The following TNRC6B variants were observed in gnomAD, a reference collection of about 807,000 sequenced individuals.
TNRC6B encodes the protein trinucleotide repeat containing adaptor 6B, also known as trinucleotide repeat-containing gene 6B protein.
In TNRC6B, 52 loss-of-function variants were observed where a neutral mutation model predicts 203.6. That is an observed-to-expected ratio of 0.26 (90% CI 0.20 to 0.32). The LOEUF (loss-of-function observed/expected upper bound fraction) is 0.32. TNRC6B is among the 10% of genes least tolerant of loss of function. TNRC6B has a pLI of 1.00. For missense variants in TNRC6B, 1,923 were observed against 2,286.2 expected (o/e 0.84, Z 3.24); for synonymous variants, 838 against 845.7 (o/e 0.99, Z 0.16).
In TNRC6B at chr22:40,156,061, T is replaced by A. The variant is rs374950214; in HGVS notation, c.46-54T>A. 3 of 1,514,614 alleles carry A rather than the reference T, an allele frequency of 2.0e-6. No homozygotes were observed. In the African/African-American group the frequency reaches 4.1e-5, roughly 21 times the overall value. 93.8% of individuals were successfully genotyped at this position (1,514,614 alleles called of 1,614,324 possible). A position where few individuals can be genotyped will look rare whatever the true frequency, so the allele number is the denominator to read the frequency against. ...ACAGGGCAGGTGTGGGTTCTTGGAG[T>A]GAGTCGCATTGTAGTTACTGACTGC... On this transcript the variant is annotated intron_variant, in intron 3 of 23. Transcript: ENST00000301923.
chr22:40,133,787 G>T (rs1473031402), intron 3 of TNRC6B, among the ~76,000 whole-genome samples: 1 of 151,876 alleles, frequency 6.6e-6, no homozygotes, highest in Non-Finnish European at 1.5e-5. Context: ...TGACCGACAT[G>T]GAGAAACCCT....
At chr22:40,090,398 A>G (rs796391369) in intron 1 of TNRC6B, among the ~76,000 whole-genome samples, 8 of 124,266 alleles carry the variant, frequency 6.4e-5, no homozygotes, top group African/African-American at 2.5e-4. Context: ...GTGGCATCTC[A>G]TTGTTTTTTT....
At chr22:40,141,990 G>A (rs1472550303) in intron 3 of TNRC6B, among the ~76,000 whole-genome samples, 5 of 151,580 alleles carry the variant, frequency 3.3e-5, no homozygotes, top group Non-Finnish European at 7.4e-5. Context: ...TTGATCTCCT[G>A]ACCTCATGAT....
intron 1 of TNRC6B, among the ~76,000 whole-genome samples, chr22:40,227,549 C>A (rs1378069077): frequency 6.6e-6 from 1 of 151,668 alleles, no homozygotes; most frequent in East Asian, 1.9e-4. Context: ...TGAGGTTTCA[C>A]CATGTTGGCC....
intron 3 of TNRC6B, among the ~76,000 whole-genome samples, chr22:40,136,205 T>C (rs2068597760): frequency 6.6e-6 from 1 of 152,226 alleles, no homozygotes; most frequent in Admixed American, 6.5e-5. Flanking sequence ...AGGTCGATAT[T>C]CTAAATGAGT....
At chr22:40,097,293 T>TTTTTTG (rs201436604) in intron 1 of TNRC6B, among the ~76,000 whole-genome samples, 1,859 of 152,082 alleles carry the variant, frequency 0.012, 36 homozygotes, top group African/African-American at 0.04. Context: ...TGTGTCCTTT[T>TTTTTTG]TTTTTGTTTT....
At chr22:40,286,601 G>A (rs1208497808) in intron 12 of TNRC6B, among the ~76,000 whole-genome samples, 1 of 152,202 alleles carries the variant, frequency 6.6e-6, no homozygotes, top group Non-Finnish European at 1.5e-5. Context: ...GTGCTCTAGG[G>A]GGAGTTTTAG....
chr22:40,278,211 C>T (rs902856145), intron 9 of TNRC6B, among the ~76,000 whole-genome samples, 167 bp downstream of exon 9: 2 of 152,156 alleles, frequency 1.3e-5, no homozygotes, highest in African/African-American at 4.8e-5. Context: ...AGAAAACTCA[C>T]ATGACTACAG....
At chr22:40,239,832 T>C (rs1156270243) in intron 1 of TNRC6B, among the ~76,000 whole-genome samples, 1 of 152,100 alleles carries the variant, frequency 6.6e-6, no homozygotes, top group Non-Finnish European at 1.5e-5. Flanking sequence ...GTATTTTCTT[T>C]TTTTGTTTTT....
intron 3 of TNRC6B, among the ~76,000 whole-genome samples, chr22:40,152,177 G>A: frequency 6.6e-6 from 1 of 152,074 alleles, no homozygotes; most frequent in Non-Finnish European, 1.5e-5. Context: ...ATAAAAATAA[G>A]GACTTAAATG....
In TNRC6B at chr22:40,323,731, G is replaced by C. The variant is rs1259815733; in HGVS notation, c.*490G>C. On this transcript the variant is annotated 3_prime_UTR_variant, in exon 23 of 23. Coordinates refer to ENST00000454349, the MANE Select transcript of TNRC6B (RefSeq NM_001162501.2). ...GAAATTCAAAAGAATTGTTGGGGGA[G>C]GGGGGAGGGAAGACTTGACGGAGCC... 3 of 131,988 alleles carry C rather than the reference G, an allele frequency of 2.3e-5. No individual in the cohort carries two copies. Among genetic ancestry groups the C allele is most frequent in the Non-Finnish European group, 3.2e-5 (2 of 62,806 alleles). 8.2% of individuals were successfully genotyped at this position (131,988 alleles called of 1,614,324 possible).
chr22:40,256,032 TTAG>T (rs1188814362), intron 3 of TNRC6B, among the ~76,000 whole-genome samples: 5 of 152,198 alleles, frequency 3.3e-5, no homozygotes, highest in African/African-American at 1.2e-4. Flanking sequence ...TTTTGTATTT[TTAG>T]TAGAGACGGG....
chr22:40,071,550 A>C (rs5757844), intron 1 of TNRC6B, among the ~76,000 whole-genome samples: 88 of 152,352 alleles, frequency 5.8e-4, no homozygotes, highest in African/African-American at 2.0e-3. Context: ...TTATGATAAC[A>C]TGAAACTCCA....
At chr22:40,249,126 C>A (rs904256802) in intron 2 of TNRC6B, among the ~76,000 whole-genome samples, 4 of 152,224 alleles carry the variant, frequency 2.6e-5, no homozygotes, top group Non-Finnish European at 5.9e-5. Flanking sequence ...CCACATCTCT[C>A]ATGCTGCTTT....
chr22:40,176,100 A>G (rs1406517286), upstream of TNRC6B, among the ~76,000 whole-genome samples: 1 of 150,450 alleles, frequency 6.6e-6, no homozygotes, highest in Non-Finnish European at 1.5e-5. Flanking sequence ...TGGAGTCGAT[A>G]GTCACAGGGC....
rs1236588746 is a variant in TNRC6B, at chr22:40,329,623, TA to T, written c.*6385del. The T allele has an allele frequency of 1.3e-5, 2 of 151,996 alleles. No individual in the cohort carries two copies. Among genetic ancestry groups the T allele is most frequent in the Non-Finnish European group, 2.9e-5 (2 of 68,004 alleles). 9.4% of individuals were successfully genotyped at this position (151,996 alleles called of 1,614,324 possible). The stretch of plus-strand genomic sequence containing the variant: ...AAGAGGCCATGAACCTACGAGGTGG[TA>T]AAGGGGGACACAGGTCAGGGAGTGG... On this transcript the variant is annotated 3_prime_UTR_variant, in exon 23 of 23. Coordinates refer to ENST00000454349, the MANE Select transcript of TNRC6B (RefSeq NM_001162501.2).
rs538086306 is a variant in TNRC6B at position 40,072,315 on chromosome 22, G to A, written c.-121+27317G>A. 3.9e-5 allele frequency among the ~76,000 whole-genome samples: 6 copies of A among 152,236 alleles called. No homozygotes were observed. The East Asian group carries it at 1.2e-3, about 29-fold the overall frequency. ...TAACGGAGCGCTTACTTAAGAAACG[G>A]GGTGTTGGCTCATTCACCAAGTCAG... On this transcript the variant is annotated intron_variant, in intron 1 of 23. Coordinates refer to the TNRC6B transcript ENST00000301923.
At chr22:40,146,556 G>A (rs576937453) in intron 3 of TNRC6B, among the ~76,000 whole-genome samples, 24 of 141,654 alleles carry the variant, frequency 1.7e-4, no homozygotes, top group African/African-American at 5.6e-4. Context: ...CACCACGCCC[G>A]GCTAATTTTT....
At chr22:40,105,005 G>T (rs998047224) in intron 1 of TNRC6B, among the ~76,000 whole-genome samples, 3 of 152,196 alleles carry the variant, frequency 2.0e-5, no homozygotes, top group Non-Finnish European at 4.4e-5. Context: ...CTTGTAGCTA[G>T]TCTGCAGAAA....
Sources: allele counts gnomAD v4.1 joint callset (sites outside exome capture counted in the v4.1 genomes callset), GRCh38; gene constraint gnomAD v4.1.1; transcripts MANE v1.5; gene names NCBI Gene and HGNC (gene_info 2026-07-23, HGNC 2026-07-21).